EPHX4: variants seen among roughly 807,000 people sequenced by gnomAD.
The protein encoded by EPHX4 is epoxide hydrolase 4.
EPHX4 carries 31 observed loss-of-function variants against 44.9 expected under a neutral mutation model. The ratio of observed to expected loss-of-function variants is 0.69; its 90% CI spans 0.52 to 0.93. EPHX4 has a LOEUF of 0.93. Among genes scored for constraint, EPHX4 ranks in the 40% least tolerant of loss-of-function variants. EPHX4 has a pLI of 0.00. For synonymous variants in EPHX4, 151 were observed against 159.7 expected, an observed-to-expected ratio of 0.95 and a Z score of 0.41; for missense variants, 373 against 438.1, an observed-to-expected ratio of 0.85 and a Z score of 1.33.
At chr1:92,061,041 C>T (rs564379423) in intron 6 of EPHX4, among the ~76,000 whole-genome samples, 8 of 152,076 alleles carry the variant, frequency 5.3e-5, no homozygotes, top group South Asian at 2.1e-4. Context: ...CCATCACACC[C>T]GGCTAATTTT....
intron 4 of EPHX4, among the ~76,000 whole-genome samples, chr1:92,045,904 C>G (rs1688574821): frequency 6.6e-6 from 1 of 152,098 alleles, no homozygotes; most frequent in Non-Finnish European, 1.5e-5. Context: ...TTACTGTTAA[C>G]TTGGGGAGGG....
chr1:92,037,911 C>T (rs1468194844), intron 2 of EPHX4, among the ~76,000 whole-genome samples: 1 of 152,080 alleles, frequency 6.6e-6, no homozygotes. Flanking sequence ...AGATTGTTTT[C>T]GCTTTATTCA....
chr1:92,041,825 G>A (rs1290017217), intron 2 of EPHX4, among the ~76,000 whole-genome samples: 3 of 152,134 alleles, frequency 2.0e-5, no homozygotes, highest in African/African-American at 7.2e-5. Context: ...CCAATCACCT[G>A]AGGTCAGGAA....
Position 92,063,438 on chromosome 1 carries a change from C to A in EPHX4, c.*152C>A. The A allele has an allele frequency of 1.7e-6, 1 of 601,526 alleles. No individual in the cohort carries two copies. The highest frequency in any genetic ancestry group is 2.8e-6 in the Non-Finnish European group (1 of 358,896). 37.3% of individuals were successfully genotyped at this position (601,526 alleles called of 1,614,324 possible). ...CCTGACAAATGGTATTGAAAAAAAT[C>A]TGAGATCATGTGAACATATAATACA... is the stretch of plus-strand genomic sequence containing the variant. On this transcript the variant is annotated 3_prime_UTR_variant, in exon 7 of 7. Transcript: ENST00000370383.
chr1:92,054,748 G>A (rs1320334941), intron 6 of EPHX4, among the ~76,000 whole-genome samples: 2 of 151,772 alleles, frequency 1.3e-5, no homozygotes, highest in East Asian at 3.9e-4. Flanking sequence ...AAAGAATAAG[G>A]TAATATCAAG....
At chr1:92,060,329 A>G (rs1326896685) in intron 6 of EPHX4, among the ~76,000 whole-genome samples, 1 of 151,850 alleles carries the variant, frequency 6.6e-6, no homozygotes, top group Non-Finnish European at 1.5e-5. Context: ...TGGAAGGATC[A>G]CTTGAGCACA....
chr1:92,057,208 A>G (rs1197024186), intron 6 of EPHX4, among the ~76,000 whole-genome samples: 1 of 152,070 alleles, frequency 6.6e-6, no homozygotes, highest in African/African-American at 2.4e-5. Flanking sequence ...TTAATACAAT[A>G]AAAAACAAAG....
chr1:92,063,462 C>T lies in EPHX4; in HGVS notation c.*176C>T, dbSNP rs1358830609. 5 of 505,860 alleles carry T rather than the reference C, an allele frequency of 9.9e-6. No homozygotes were observed. Among genetic ancestry groups the T allele is most frequent in the African/African-American group, 1.9e-5 (1 of 52,580 alleles). The allele number at this position is 505,860 out of a possible 1,614,324, so 31.3% of individuals were successfully genotyped here. A position where few individuals can be genotyped will look rare whatever the true frequency, so the allele number is the denominator to read the frequency against. On this transcript the variant is annotated 3_prime_UTR_variant, in exon 7 of 7. Transcript: ENST00000370383. ...TCTGAGATCATGTGAACATATAATA[C>T]AATGTTGATTTTCTTCTGGTGTATT...
At chr1:92,040,239 G>A (rs530911839) in intron 2 of EPHX4, among the ~76,000 whole-genome samples, 9 of 145,378 alleles carry the variant, frequency 6.2e-5, no homozygotes, top group African/African-American at 1.3e-4. Flanking sequence ...GCAGTGGCGC[G>A]ATCACAGCTC....
intron 1 of EPHX4, among the ~76,000 whole-genome samples, chr1:92,031,895 A>C (rs1163328350): frequency 6.6e-6 from 1 of 152,114 alleles, no homozygotes; most frequent in East Asian, 1.9e-4. Context: ...ACGCACACTG[A>C]CATGACATGA....
At chr1:92,045,747 T>A (rs1688573516) in intron 4 of EPHX4, 87 bp downstream of exon 4, 3 of 1,479,524 alleles carry the variant, frequency 2.0e-6, no homozygotes, top group East Asian at 4.6e-5. Context: ...CAGCAAAATT[T>A]GGTTACTATC....
Position 92,062,411 on chromosome 1 carries a change from G to A in EPHX4, c.858-644G>A, listed in dbSNP as rs563773457. On this transcript the variant is annotated intron_variant, in intron 6 of 6. Coordinates refer to ENST00000370383, the MANE Select transcript of EPHX4 (RefSeq NM_173567.5). ...CCAGCCTGGCCAAGATGGTGAAACC[G>A]CATCTCTACTAAAAATACAAAAAAT... Among the ~76,000 whole-genome samples, 7 of 151,344 alleles carry A rather than the reference G, an allele frequency of 4.6e-5. No individual in the cohort carries two copies. The East Asian group carries it at 5.8e-4, about 13-fold the overall frequency.
rs61781590 is a variant in EPHX4 at position 92,046,107 on chromosome 1, A to G, written c.604+447A>G. Among the ~76,000 whole-genome samples the G allele has an allele frequency of 9.1e-3, 1,382 of 152,308 alleles. 10 individuals carry two copies. The highest frequency in any genetic ancestry group is 0.015 in the Non-Finnish European group (1,017 of 68,026). ...AAGACCCCATTGAGCTTTTACTTAT[A>G]TGGTTTATAAATATTCACTGTATTG... On this transcript the variant is annotated intron_variant, in intron 4 of 6. Transcript: ENST00000370383.
chr1:92,062,827 A>G (rs1230534468), intron 6 of EPHX4, among the ~76,000 whole-genome samples: 1 of 151,660 alleles, frequency 6.6e-6, no homozygotes, highest in Non-Finnish European at 1.5e-5. Flanking sequence ...TTTTTCCCTA[A>G]TCACCCCCAC....
intron 2 of EPHX4, among the ~76,000 whole-genome samples, chr1:92,038,849 A>C (rs1025980380): frequency 6.6e-6 from 1 of 152,212 alleles, no homozygotes; most frequent in Non-Finnish European, 1.5e-5. Context: ...CTGCAGAGGC[A>C]GTATAACATG....
At chr1:92,047,743 A>G (rs1048669386) in intron 4 of EPHX4, among the ~76,000 whole-genome samples, 2 of 152,132 alleles carry the variant, frequency 1.3e-5, no homozygotes, top group African/African-American at 2.4e-5. Flanking sequence ...AGTGGCTTTA[A>G]CCATCATTGC....
chr1:92,049,421 T>C (rs1037051125), intron 4 of EPHX4, among the ~76,000 whole-genome samples: 2 of 152,206 alleles, frequency 1.3e-5, no homozygotes, highest in African/African-American at 4.8e-5. Context: ...CTTTATGGTA[T>C]TATTGCTCTC....
At chr1:92,052,809 A>G (rs377247956) in intron 6 of EPHX4, 151 bp downstream of exon 6, 20 of 652,296 alleles carry the variant, frequency 3.1e-5, no homozygotes, top group East Asian at 1.5e-4. Flanking sequence ...CTTTTTATGG[A>G]CAATTTCAAA....
intron 4 of EPHX4, among the ~76,000 whole-genome samples, chr1:92,047,108 C>G (rs1480062663): frequency 1.3e-5 from 2 of 152,180 alleles, no homozygotes; most frequent in Non-Finnish European, 2.9e-5. Flanking sequence ...TTATCAATGG[C>G]ACAACTACTG....
Sources: allele counts gnomAD v4.1 joint callset (sites outside exome capture counted in the v4.1 genomes callset), GRCh38; gene constraint gnomAD v4.1.1; transcripts MANE v1.5; gene names NCBI Gene and HGNC (gene_info 2026-07-23, HGNC 2026-07-21).